Variants in WFDC9 observed in about 807,000 individuals in gnomAD.
WFDC9 encodes the protein WAP four-disulfide core domain 9.
WFDC9 carries 9 observed loss-of-function variants against 9.5 expected under a neutral mutation model. That is an observed-to-expected ratio of 0.95 (90% CI 0.57 to 1.65). The LOEUF is 1.65. WFDC9 is among the 40% of genes most tolerant of loss of function. WFDC9 has a pLI of 0.00. For missense variants in WFDC9, 87 were observed against 106.7 expected, an observed-to-expected ratio of 0.82 and a Z score of 0.81; for synonymous variants, 33 against 32.3, an observed-to-expected ratio of 1.02 and a Z score of -0.07.
intron 1 of WFDC9, among the ~76,000 whole-genome samples, chr20:45,624,540 G>A (rs1982174851): frequency 6.6e-6 from 1 of 152,200 alleles, no homozygotes; most frequent in Middle Eastern, 3.2e-3. Context: ...GGGTACATAT[G>A]TTGATATGCT....
At position 45,610,193 on chromosome 20, in the gene WFDC9, T is replaced by C. The variant is rs78487899; in HGVS notation, c.-12A>G. 9.3e-6 allele frequency: 15 copies of C among 1,613,194 alleles called. No homozygotes were observed. The East Asian group carries it at 2.9e-4, about 31-fold the overall frequency. On this transcript the variant is annotated 5_prime_UTR_variant, in exon 3 of 5. Coordinates refer to ENST00000326000, the MANE Select transcript of WFDC9 (RefSeq NM_147198.4). Reference sequence around the variant, plus strand: ...ATCCAGGGCTTCATGGTGCTCTCTGTGTGTATTTGGGTTAAGTTCTGGCAG... The same window carrying C: ...ATCCAGGGCTTCATGGTGCTCTCTGCGTGTATTTGGGTTAAGTTCTGGCAG...
intron 1 of WFDC9, among the ~76,000 whole-genome samples, chr20:45,622,457 C>A (rs1982123073): frequency 6.6e-6 from 1 of 152,128 alleles, no homozygotes; most frequent in Non-Finnish European, 1.5e-5. Flanking sequence ...CCTGCTAAAT[C>A]TTTTTCTTTT....
intron 1 of WFDC9, 63 bp downstream of exon 1, chr20:45,631,140 T>C: frequency 8.7e-7 from 1 of 1,153,456 alleles, no homozygotes; most frequent in Non-Finnish European, 1.2e-6. Context: ...AATGCCGCCC[T>C]CTCTACTGTC....
chr20:45,629,492 C>A (rs901502567), intron 1 of WFDC9: 4 of 195,254 alleles, frequency 2.0e-5, no homozygotes, highest in Non-Finnish European at 4.1e-5. Context: ...TATATTTTTT[C>A]TTTTCTTTTT....
At position 45,631,273 on chromosome 20, in the gene WFDC9, C is replaced by T. The variant is rs1002122558; in HGVS notation, c.-223G>A. The stretch of plus-strand genomic sequence containing the variant: ...CCCTACAGATGCCCCACTTGTCTTG[C>T]GTCCTGGTGTTCAATTTCTCTCCCT... On this transcript the variant is annotated 5_prime_UTR_variant, in exon 1 of 5. Transcript: ENST00000326000. The T allele has an allele frequency of 1.3e-4, 42 of 319,634 alleles. No homozygotes were observed. The highest frequency in any genetic ancestry group is 2.6e-4 in the South Asian group (2 of 7,648). The allele number at this position is 319,634 out of a possible 1,614,324, so 19.8% of individuals were successfully genotyped here.
chr20:45,625,405 G>A (rs1036098795), intron 1 of WFDC9, among the ~76,000 whole-genome samples: 1 of 152,190 alleles, frequency 6.6e-6, no homozygotes, highest in Admixed American at 6.5e-5. Flanking sequence ...TCATTCTGTA[G>A]ATTGTCTTTT....
chr20:45,623,689 G>C (rs2145601112), intron 1 of WFDC9, among the ~76,000 whole-genome samples: 1 of 152,144 alleles, frequency 6.6e-6, no homozygotes, highest in Admixed American at 6.5e-5. Flanking sequence ...GATACATAGT[G>C]ATGTTTCAAT....
In WFDC9 at chr20:45,608,022, A is replaced by T. The variant is rs1050824493; in HGVS notation, c.*88T>A. 6.9e-7 allele frequency: 1 copy of T among 1,455,314 alleles called. No homozygotes were observed. Among genetic ancestry groups the T allele is most frequent in the African/African-American group, 1.4e-5 (1 of 71,410 alleles). 90.2% of individuals were successfully genotyped at this position (1,455,314 alleles called of 1,614,324 possible). On this transcript the variant is annotated 3_prime_UTR_variant, in exon 5 of 5. Transcript: ENST00000326000. ...AGCAGAAAGGTTACCAGCTAGAGCC[A>T]GTGGGTGTCCCAAGAAGGAAGTAGG...
intron 1 of WFDC9, among the ~76,000 whole-genome samples, chr20:45,625,807 C>CTT (rs76758338): frequency 0.01 from 476 of 46,390 alleles, 120 homozygotes; most frequent in African/African-American, 0.039. Context: ...GTTCTCTATT[C>CTT]TTTTTTTTTT....
chr20:45,618,216 A>G (rs1283965966), intron 1 of WFDC9, among the ~76,000 whole-genome samples: 1 of 152,234 alleles, frequency 6.6e-6, no homozygotes, highest in Admixed American at 6.5e-5. Context: ...CAGCCTTCAT[A>G]AAATTGAAGA....
intron 2 of WFDC9, 35 bp from the exon 3 acceptor site, chr20:45,610,274 G>A (rs1313077716): frequency 6.3e-6 from 7 of 1,113,232 alleles, no homozygotes; most frequent in Middle Eastern, 3.9e-4. Context: ...AGGAGAACAG[G>A]GTAAGCAACA....
chr20:45,615,768 GTT>G (rs1981959163), intron 1 of WFDC9, among the ~76,000 whole-genome samples: 1 of 151,396 alleles, frequency 6.6e-6, no homozygotes, highest in African/African-American at 2.4e-5. Context: ...GTTTCTAATA[GTT>G]TTCTTATGAT....
At chr20:45,609,989 G>C in intron 3 of WFDC9, 102 bp downstream of exon 3, 1 of 864,172 alleles carries the variant, frequency 1.2e-6, no homozygotes, top group South Asian at 1.7e-5. Context: ...TACTTAAGGA[G>C]AGATCCTTTA....
intron 1 of WFDC9, chr20:45,629,545 T>C (rs749406112): frequency 6.1e-5 from 19 of 313,236 alleles, no homozygotes; most frequent in Non-Finnish European, 1.1e-4. Context: ...ATAAATGATA[T>C]CTTTCATTCT....
intron 1 of WFDC9, chr20:45,629,733 T>C: frequency 1.3e-6 from 2 of 1,515,360 alleles, no homozygotes; most frequent in Non-Finnish European, 1.8e-6. Context: ...CTTCTTTCCT[T>C]CCTTCACTCT....
Position 45,608,738 on chromosome 20 carries a change from G to A in WFDC9, c.164C>T (p.Thr55Ile). 6.2e-7 allele frequency: 1 copy of A among 1,614,108 alleles called. No homozygotes were observed. Among genetic ancestry groups the A allele is most frequent in the South Asian group, 1.1e-5 (1 of 91,086 alleles). ...PPYKYCEKRC[T>I]KIMTCVRPNH... ...TGGACGTACACAAGTCATTATTTTA[G>A]TACACCTTTTCTCACAGTACTTATA... The change falls in exon 4 of 5, where the codon ACT becomes ATT. Residue 55 changes from threonine to isoleucine, a missense_variant. Thr to Ile is a moderately conservative substitution (Grantham distance 89). Transcript: ENST00000326000.
intron 1 of WFDC9, chr20:45,629,653 A>C: frequency 1.1e-6 from 1 of 883,512 alleles, no homozygotes; most frequent in Non-Finnish European, 1.7e-6. Context: ...GGGGCAAGCA[A>C]AAAGAGGAAG....
chr20:45,619,596 A>T (rs937151346), intron 1 of WFDC9, among the ~76,000 whole-genome samples: 31 of 152,258 alleles, frequency 2.0e-4, no homozygotes, highest in Admixed American at 2.0e-3. Context: ...GAGAACAGAT[A>T]AAAGTAATTA....
intron 1 of WFDC9, chr20:45,630,970 C>T (rs777474048): frequency 3.7e-6 from 6 of 1,611,960 alleles, no homozygotes; most frequent in Admixed American, 1.7e-5. Context: ...AAGCAAATAA[C>T]ATATGCTGTT....
Sources: allele counts gnomAD v4.1 joint callset (sites outside exome capture counted in the v4.1 genomes callset), GRCh38; gene constraint gnomAD v4.1.1; transcripts MANE v1.5; gene names NCBI Gene and HGNC (gene_info 2026-07-23, HGNC 2026-07-21).